GALNTL6: variants seen among roughly 807,000 people sequenced by gnomAD.
GALNTL6 encodes polypeptide N-acetylgalactosaminyltransferase-like 6.
A neutral mutation model predicts 73.7 loss-of-function variants in GALNTL6; 46 were observed. The observed-to-expected ratio is 0.62, with a 90% CI of 0.49 to 0.80. GALNTL6 has a LOEUF of 0.80. Ranked by LOEUF, GALNTL6 falls within the 30% of genes least tolerant of loss-of-function variation. GALNTL6 has a pLI of 0.00. For missense variants in GALNTL6, 604 were observed against 755.0 expected (o/e 0.80, Z 2.34); for synonymous variants, 259 against 263.7 (o/e 0.98, Z 0.17).
chr4:171,940,550 A>C (rs1321143597), intron 2 of GALNTL6, among the ~76,000 whole-genome samples: 2 of 152,146 alleles, frequency 1.3e-5, no homozygotes, highest in Admixed American at 6.6e-5. Context: ...GGCCAGGCGC[A>C]GTGGCTCATG....
rs116658934 is a variant in GALNTL6 at position 172,331,584 on chromosome 4, A to G, written c.387-16939A>G. On this transcript the variant is annotated intron_variant, in intron 4 of 12. Coordinates refer to ENST00000506823, the MANE Select transcript of GALNTL6 (RefSeq NM_001034845.3). ...GGCAACCATTCTACTCTTTTGTTCT[A>G]TGGATTTGATTATTTTAGGTACCTC... Among the ~76,000 whole-genome samples, 1,174 of 152,218 alleles carry G rather than the reference A, an allele frequency of 7.7e-3. 14 individuals carry two copies. The highest frequency in any genetic ancestry group is 0.027 in the African/African-American group (1,111 of 41,534).
intron 2 of GALNTL6, among the ~76,000 whole-genome samples, chr4:172,209,168 C>CA (rs1423002409): frequency 6.6e-6 from 1 of 152,006 alleles, no homozygotes; most frequent in Non-Finnish European, 1.5e-5. Flanking sequence ...TCAAAACTCA[C>CA]AAATAATTTC....
intron 7 of GALNTL6, among the ~76,000 whole-genome samples, chr4:172,842,009 A>G (rs544703561): frequency 6.6e-6 from 1 of 152,284 alleles, no homozygotes; most frequent in South Asian, 2.1e-4. Flanking sequence ...TATGGTCATG[A>G]CATCCCTGTG....
intron 5 of GALNTL6, among the ~76,000 whole-genome samples, chr4:172,733,345 G>T (rs1206346039): frequency 6.6e-6 from 1 of 152,070 alleles, no homozygotes; most frequent in Non-Finnish European, 1.5e-5. Flanking sequence ...GCTGCTTTTA[G>T]GATCTTCTCT....
At position 172,133,114 on chromosome 4, in the gene GALNTL6, G is replaced by A. The variant is rs760972369; in HGVS notation, c.139-96542G>A. Among the ~76,000 whole-genome samples, 3 of 152,196 alleles carry A rather than the reference G, an allele frequency of 2.0e-5. No individual in the cohort carries two copies. In the East Asian group the frequency reaches 5.8e-4, roughly 29 times the overall value. ...AACAAATAGCAGAAAGAACATCAAT[G>A]TGCTTATTCTCAAATCTTCAGCAAT... On this transcript the variant is annotated intron_variant, in intron 2 of 12. Coordinates refer to ENST00000506823, the MANE Select transcript of GALNTL6 (RefSeq NM_001034845.3).
chr4:172,176,310 A>AC (rs1734993308), intron 2 of GALNTL6, among the ~76,000 whole-genome samples: 1 of 125,270 alleles, frequency 8.0e-6, no homozygotes, highest in South Asian at 3.0e-4. Flanking sequence ...ACTGCACTCC[A>AC]ACCTGGGCGA....
At chr4:172,841,936 A>G (rs1157856463) in intron 7 of GALNTL6, among the ~76,000 whole-genome samples, 2 of 152,196 alleles carry the variant, frequency 1.3e-5, no homozygotes, top group East Asian at 3.8e-4. Flanking sequence ...AGATAATAAC[A>G]GCTGCCATTC....
At chr4:171,860,425 C>T (rs987016972) in intron 2 of GALNTL6, among the ~76,000 whole-genome samples, 7 of 152,258 alleles carry the variant, frequency 4.6e-5, no homozygotes, top group Non-Finnish European at 7.4e-5. Context: ...TCAATGAATG[C>T]AATATATATT....
intron 8 of GALNTL6, among the ~76,000 whole-genome samples, chr4:172,884,879 C>G (rs190646651): frequency 4.1e-4 from 63 of 152,230 alleles, no homozygotes; most frequent in Non-Finnish European, 7.1e-4. Flanking sequence ...AAGAAACTGT[C>G]CTTTTCCCCA....
At chr4:172,746,230 A>T (rs1277293188) in intron 5 of GALNTL6, among the ~76,000 whole-genome samples, 4 of 152,090 alleles carry the variant, frequency 2.6e-5, no homozygotes, top group Non-Finnish European at 2.9e-5. Context: ...TAAAATGAGG[A>T]TAATAAAAAT....
Position 171,824,077 on chromosome 4 carries a change from T to TTTTATATATATA in GALNTL6, c.138+9360_138+9361insTTATATATATAT, listed in dbSNP as rs1301842709. Among the ~76,000 whole-genome samples the TTTTATATATATA allele has an allele frequency of 2.1e-3, 270 of 129,148 alleles. 3 individuals carry two copies. The highest frequency in any genetic ancestry group is 4.4e-3 in the Middle Eastern group (1 of 226). 84.7% of individuals were successfully genotyped at this position (129,148 alleles called of 152,430 possible). ...CTTAAGTCCTCAACACAAATCCATT[T>TTTTATATATATA]TATATATATATATATATATATATAT... is the stretch of plus-strand genomic sequence containing the variant. On this transcript the variant is annotated intron_variant, in intron 2 of 12. Coordinates refer to ENST00000506823, the MANE Select transcript of GALNTL6 (RefSeq NM_001034845.3).
At position 172,663,617 on chromosome 4, in the gene GALNTL6, C is replaced by T. The variant is rs138683740; in HGVS notation, c.554-145744C>T. On this transcript the variant is annotated intron_variant, in intron 5 of 12. Transcript: ENST00000506823. The stretch of plus-strand genomic sequence containing the variant: ...AGGTTTGGATGTGATTTCACTTCAT[C>T]CAGAAATCTATGAACTAAAAAGGTG... 1.8e-3 allele frequency among the ~76,000 whole-genome samples: 274 copies of T among 152,238 alleles called. 2 individuals are homozygous for T. Among genetic ancestry groups the T allele is most frequent in the African/African-American group, 6.4e-3 (264 of 41,538 alleles).
intron 2 of GALNTL6, among the ~76,000 whole-genome samples, chr4:171,849,168 T>G (rs1735453255): frequency 6.6e-6 from 1 of 152,222 alleles, no homozygotes; most frequent in Non-Finnish European, 1.5e-5. Flanking sequence ...TGATTTAAGC[T>G]GAAAGACATG....
chr4:172,219,154 G>C (rs1736590105), intron 2 of GALNTL6, among the ~76,000 whole-genome samples: 1 of 134,022 alleles, frequency 7.5e-6, no homozygotes, highest in Non-Finnish European at 1.6e-5. Context: ...TAGATTAATT[G>C]ATCACTTTGC....
At chr4:172,831,210 C>CG (rs1742621655) in intron 7 of GALNTL6, among the ~76,000 whole-genome samples, 1 of 135,102 alleles carries the variant, frequency 7.4e-6, no homozygotes, top group Non-Finnish European at 1.6e-5. Flanking sequence ...TCAAAAGACA[C>CG]GGGCTTATTT....
intron 2 of GALNTL6, among the ~76,000 whole-genome samples, chr4:172,219,020 A>C (rs1009886149): frequency 1.3e-5 from 2 of 151,060 alleles, no homozygotes; most frequent in Non-Finnish European, 3.0e-5. Flanking sequence ...ACAAATTGAG[A>C]CCAGAATTTT....
chr4:172,105,150 C>G (rs1442458224), intron 2 of GALNTL6, among the ~76,000 whole-genome samples: 1 of 151,564 alleles, frequency 6.6e-6, no homozygotes, highest in South Asian at 2.1e-4. Context: ...AACAGAATAA[C>G]AAATTTATAA....
chr4:172,841,431 G>T (rs904050468), intron 7 of GALNTL6, among the ~76,000 whole-genome samples: 5 of 152,078 alleles, frequency 3.3e-5, no homozygotes, highest in African/African-American at 1.2e-4. Flanking sequence ...GCTACTATTT[G>T]GTTCCCAGGC....
At chr4:171,855,191 T>C (rs1735653864) in intron 2 of GALNTL6, among the ~76,000 whole-genome samples, 1 of 152,200 alleles carries the variant, frequency 6.6e-6, no homozygotes, top group South Asian at 2.1e-4. Context: ...TTTTGGAAGA[T>C]ATATAATGGC....
Sources: allele counts gnomAD v4.1 joint callset (sites outside exome capture counted in the v4.1 genomes callset), GRCh38; gene constraint gnomAD v4.1.1; transcripts MANE v1.5; gene names NCBI Gene and HGNC (gene_info 2026-07-23, HGNC 2026-07-21).